ACTR2: variants seen among roughly 807,000 people sequenced by gnomAD.
ACTR2 encodes the protein actin-related protein 2.
In ACTR2, 5 loss-of-function variants were observed where a neutral mutation model predicts 50.2. That is an observed-to-expected ratio of 0.10 (90% confidence interval 0.05 to 0.21). ACTR2 has a LOEUF of 0.21. ACTR2 is among the 10% of genes least tolerant of loss of function. ACTR2 has a pLI of 1.00. For missense variants in ACTR2, 180 were observed against 480.6 expected, an observed-to-expected ratio of 0.37 and a Z score of 5.85; for synonymous variants, 140 against 162.9, an observed-to-expected ratio of 0.86 and a Z score of 1.07.
At chr2:65,246,034 TAAAG>T (rs1671931940) in intron 2 of ACTR2, among the ~76,000 whole-genome samples, 1 of 152,224 alleles carries the variant, frequency 6.6e-6, no homozygotes, top group Admixed American at 6.5e-5. Context: ...TATAGAGTAA[TAAAG>T]AATCATTTTA....
Position 65,254,004 on chromosome 2 carries a change from A to G in ACTR2, c.585+140A>G, listed in dbSNP as rs1672101846. The G allele has an allele frequency of 1.4e-5, 9 of 659,910 alleles. No individual in the cohort carries two copies. In the East Asian group the frequency reaches 2.6e-4, roughly 19 times the overall value. 40.9% of individuals were successfully genotyped at this position (659,910 alleles called of 1,614,324 possible). ...ATCCAATTACCTCCCTTATTTATATAAAAATTCATATAAGATTTATACACA... is the reference window on the plus strand; with the variant it reads ...ATCCAATTACCTCCCTTATTTATATGAAAATTCATATAAGATTTATACACA... On this transcript the variant is annotated intron_variant, in intron 5 of 8. Coordinates refer to ENST00000260641, the MANE Select transcript of ACTR2 (RefSeq NM_005722.4).
chr2:65,269,598 T>C lies in ACTR2; in HGVS notation c.*864T>C, dbSNP rs1310047655. ...TTAAAAATCCTTTGGGTAATTCGAA[T>C]TACAGATTTAAAAGAGCTTAAGATC... On this transcript the variant is annotated 3_prime_UTR_variant, in exon 9 of 9. Transcript: ENST00000260641. 1 of 152,340 alleles carries C rather than the reference T, an allele frequency of 6.6e-6. No homozygotes were observed. The highest frequency in any genetic ancestry group is 1.5e-5 in the Non-Finnish European group (1 of 68,038). The allele number at this position is 152,340 out of a possible 1,614,324, so 9.4% of individuals were successfully genotyped here. A position where few individuals can be genotyped will look rare whatever the true frequency, so the allele number is the denominator to read the frequency against.
chr2:65,240,108 A>G (rs888887503), intron 2 of ACTR2, 146 bp downstream of exon 2: 1 of 584,458 alleles, frequency 1.7e-6, no homozygotes, highest in Non-Finnish European at 3.0e-6. Flanking sequence ...TTTAATTTAT[A>G]TCAACACCTG....
chr2:65,250,074 A>G (rs1196529878), intron 3 of ACTR2, among the ~76,000 whole-genome samples: 1 of 152,122 alleles, frequency 6.6e-6, no homozygotes. Flanking sequence ...GAATTAAAAG[A>G]TATTTCCCGG....
chr2:65,244,899 A>C (rs1671906832), intron 2 of ACTR2, among the ~76,000 whole-genome samples: 1 of 148,894 alleles, frequency 6.7e-6, no homozygotes, highest in African/African-American at 2.5e-5. Context: ...CAATAATGGC[A>C]CCACTGCACT....
rs144096085 is a variant in ACTR2 at position 65,232,745 on chromosome 2, ATTC to A, written c.48+4791_48+4793del. 6.6e-4 allele frequency among the ~76,000 whole-genome samples: 100 copies of A among 152,328 alleles called. No homozygotes were observed. In the East Asian group the frequency reaches 0.012, roughly 19 times the overall value. On this transcript the variant is annotated intron_variant, in intron 1 of 8. Coordinates refer to ENST00000260641, the MANE Select transcript of ACTR2 (RefSeq NM_005722.4). ...CTTGAAAGAACATTATACTGTTCAT[ATTC>A]TTACCATTTGATGACTCAGTGGGAA...
At chr2:65,263,167 A>G (rs1189784504) in intron 7 of ACTR2, among the ~76,000 whole-genome samples, 2 of 150,994 alleles carry the variant, frequency 1.3e-5, no homozygotes, top group Non-Finnish European at 2.9e-5. Flanking sequence ...AGTAGCTGGA[A>G]TTGCAGACGT....
intron 2 of ACTR2, among the ~76,000 whole-genome samples, chr2:65,245,159 C>T (rs1671912787): frequency 6.6e-6 from 1 of 151,460 alleles, no homozygotes; most frequent in South Asian, 2.1e-4. Flanking sequence ...TTGGTTTCAT[C>T]TCTGATATTT....
chr2:65,255,827 T>C, intron 6 of ACTR2, 133 bp downstream of exon 6: 6 of 622,434 alleles, frequency 9.6e-6, no homozygotes, highest in Non-Finnish European at 1.5e-5. Flanking sequence ...TGTGTGACTT[T>C]TAATGTCTCT....
At chr2:65,231,436 A>G (rs139805480) in intron 1 of ACTR2, among the ~76,000 whole-genome samples, 17 of 152,354 alleles carry the variant, frequency 1.1e-4, no homozygotes, top group Admixed American at 3.3e-4. Context: ...TGATTCCTTT[A>G]TAATTAAATA....
At chr2:65,243,906 TA>T (rs1231260926) in intron 2 of ACTR2, among the ~76,000 whole-genome samples, 2 of 152,206 alleles carry the variant, frequency 1.3e-5, no homozygotes, top group African/African-American at 4.8e-5. Flanking sequence ...TGATCACTTA[TA>T]ACTTGGTTCT....
chr2:65,238,124 T>C lies in ACTR2; in HGVS notation c.49-1728T>C, dbSNP rs544263356. On this transcript the variant is annotated intron_variant, in intron 1 of 8. Coordinates refer to ENST00000260641, the MANE Select transcript of ACTR2 (RefSeq NM_005722.4). ...TAGAGGCCACAGTGAGCTGCAGTTG[T>C]GCCACTGCACTCCAGCCTAGGCAAC... 2.0e-5 allele frequency among the ~76,000 whole-genome samples: 3 copies of C among 151,678 alleles called. No homozygotes were observed. In the South Asian group the frequency reaches 6.3e-4, roughly 32 times the overall value.
At chr2:65,255,983 T>C (rs1397976406) in intron 6 of ACTR2, among the ~76,000 whole-genome samples, 1 of 152,240 alleles carries the variant, frequency 6.6e-6, no homozygotes, top group African/African-American at 2.4e-5. Flanking sequence ...CATTTCTCAA[T>C]GTATGTTTTA....
intron 6 of ACTR2, among the ~76,000 whole-genome samples, chr2:65,258,477 T>C (rs1411471074): frequency 6.6e-6 from 1 of 151,610 alleles, no homozygotes; most frequent in African/African-American, 2.4e-5. Context: ...AGTTGAGAGG[T>C]TGAGGTGGGA....
At chr2:65,238,644 G>A (rs1236410826) in intron 1 of ACTR2, among the ~76,000 whole-genome samples, 11 of 110,638 alleles carry the variant, frequency 9.9e-5, no homozygotes, top group Admixed American at 8.0e-4. Context: ...GGGCGACAGA[G>A]CGAGACTGTC....
intron 2 of ACTR2, among the ~76,000 whole-genome samples, chr2:65,242,979 G>A (rs924927470): frequency 6.6e-6 from 1 of 152,162 alleles, no homozygotes; most frequent in East Asian, 1.9e-4. Context: ...ATTCTAATGA[G>A]ATTAAGAAAA....
intron 7 of ACTR2, among the ~76,000 whole-genome samples, chr2:65,263,047 T>C: frequency 6.7e-6 from 1 of 149,962 alleles, no homozygotes; most frequent in East Asian, 1.9e-4. Flanking sequence ...TTAAGGGACT[T>C]GTTTGTTTGT....
At chr2:65,239,212 T>C (rs967789363) in intron 1 of ACTR2, among the ~76,000 whole-genome samples, 1 of 152,250 alleles carries the variant, frequency 6.6e-6, no homozygotes, top group African/African-American at 2.4e-5. Flanking sequence ...CCCAGCACTT[T>C]GGGACGCTGA....
At chr2:65,231,103 A>G (rs1189450359) in intron 1 of ACTR2, among the ~76,000 whole-genome samples, 1 of 152,128 alleles carries the variant, frequency 6.6e-6, no homozygotes, top group African/African-American at 2.4e-5. Context: ...CTTGTGTCTA[A>G]TCCATGTTTT....
Sources: allele counts gnomAD v4.1 joint callset (sites outside exome capture counted in the v4.1 genomes callset), GRCh38; gene constraint gnomAD v4.1.1; transcripts MANE v1.5; gene names NCBI Gene and HGNC (gene_info 2026-07-23, HGNC 2026-07-21).